CACNG3: variants seen among roughly 807,000 people sequenced by gnomAD.
CACNG3 encodes the protein voltage-dependent calcium channel gamma-3 subunit.
Under a neutral mutation model 28.5 loss-of-function variants are expected in CACNG3, and 3 were observed. The ratio of observed to expected loss-of-function variants is 0.11; its 90% CI spans 0.05 to 0.27. The LOEUF is 0.27. Ranked by LOEUF, CACNG3 falls within the 10% of genes least tolerant of loss-of-function variation. The probability of loss-of-function intolerance (pLI) is 1.00; values close to 1 mark genes in which losing one functional copy is unlikely to be tolerated. For missense variants in CACNG3, 236 were observed against 414.4 expected (o/e 0.57, Z 3.74); for synonymous variants, 174 against 162.2 (o/e 1.07, Z -0.55).
chr16:24,323,933 A>C (rs984959992), intron 1 of CACNG3, among the ~76,000 whole-genome samples: 1 of 152,048 alleles, frequency 6.6e-6, no homozygotes, highest in East Asian at 1.9e-4. Context: ...ACACCAGGCT[A>C]ATTTGTTTAT....
chr16:24,269,787 AAAAG>A (rs527400868), intron 1 of CACNG3, among the ~76,000 whole-genome samples: 228 of 149,196 alleles, frequency 1.5e-3, no homozygotes, highest in African/African-American at 2.8e-3. Context: ...GAAAGAAAGA[AAAAG>A]AAAGAAAGAA....
intron 1 of CACNG3, among the ~76,000 whole-genome samples, chr16:24,307,681 C>T (rs534184141): frequency 6.6e-6 from 1 of 152,310 alleles, no homozygotes; most frequent in Admixed American, 6.5e-5. Context: ...TCTACCACAG[C>T]TCTCTCCATC....
intron 1 of CACNG3, among the ~76,000 whole-genome samples, chr16:24,343,536 T>C (rs987807840): frequency 1.3e-5 from 2 of 152,098 alleles, no homozygotes; most frequent in African/African-American, 4.8e-5. Context: ...TGGGGAAGCA[T>C]AGTTAATGGA....
chr16:24,308,839 C>CAAAAAAAAAAAAAAAAAAAAAAAAAAAAA (rs71154298), intron 1 of CACNG3, among the ~76,000 whole-genome samples: 1 of 27,270 alleles, frequency 3.7e-5, no homozygotes, highest in Non-Finnish European at 7.5e-5. Flanking sequence ...GAACCTACCT[C>CAAAAAAAAAAAAAAAAAAAAAAAAAAAAA]AAAAAAAAAA....
intron 1 of CACNG3, among the ~76,000 whole-genome samples, chr16:24,268,049 T>C (rs1898638464): frequency 6.6e-6 from 1 of 152,142 alleles, no homozygotes; most frequent in African/African-American, 2.4e-5. Context: ...GTTCTAAGGA[T>C]GCACTTTACA....
intron 1 of CACNG3, among the ~76,000 whole-genome samples, chr16:24,324,069 CA>C (rs1281975138): frequency 3.9e-5 from 6 of 152,180 alleles, no homozygotes; most frequent in Non-Finnish European, 4.4e-5. Context: ...ACAATGTACC[CA>C]GCCACTAGAT....
At chr16:24,308,293 C>T (rs1251444907) in intron 1 of CACNG3, among the ~76,000 whole-genome samples, 1 of 152,160 alleles carries the variant, frequency 6.6e-6, no homozygotes, top group Admixed American at 6.5e-5. Flanking sequence ...GGCAGAAGCA[C>T]CCTGTCTAGT....
chr16:24,297,225 G>A (rs997041999), intron 1 of CACNG3, among the ~76,000 whole-genome samples: 2 of 146,606 alleles, frequency 1.4e-5, no homozygotes, highest in African/African-American at 2.7e-5. Flanking sequence ...TCTAGCCTGA[G>A]CAGCAGAGCA....
chr16:24,343,426 G>A (rs577035920), intron 1 of CACNG3, among the ~76,000 whole-genome samples: 23 of 152,048 alleles, frequency 1.5e-4, no homozygotes, highest in South Asian at 6.2e-4. Context: ...GAAATCTTTC[G>A]TGGAAAACAG....
intron 3 of CACNG3, among the ~76,000 whole-genome samples, chr16:24,357,495 A>G (rs1359296621): frequency 6.6e-6 from 1 of 152,176 alleles, no homozygotes; most frequent in African/African-American, 2.4e-5. Flanking sequence ...GGAGCCCCAC[A>G]AGATCTTGCT....
chr16:24,345,457 T>G (rs372736063), intron 1 of CACNG3, among the ~76,000 whole-genome samples: 1 of 152,122 alleles, frequency 6.6e-6, no homozygotes, highest in South Asian at 2.1e-4. Context: ...TCCCAGCACA[T>G]TGGGAGGCCG....
chr16:24,265,377 AG>A (rs1898589593), intron 1 of CACNG3, among the ~76,000 whole-genome samples: 2 of 151,374 alleles, frequency 1.3e-5, no homozygotes, highest in African/African-American at 4.8e-5. Flanking sequence ...GAAAAAAGAA[AG>A]AAAGAAAAGA....
intron 1 of CACNG3, among the ~76,000 whole-genome samples, chr16:24,269,134 T>C (rs1352133530): frequency 6.6e-6 from 1 of 152,168 alleles, no homozygotes; most frequent in Admixed American, 6.5e-5. Context: ...TCTATCCACC[T>C]TTTAGCCTGC....
intron 1 of CACNG3, among the ~76,000 whole-genome samples, chr16:24,299,757 T>C (rs1222409299): frequency 3.9e-5 from 6 of 152,218 alleles, no homozygotes. Flanking sequence ...CGTGGTTCAT[T>C]CTAGCTTTCT....
intron 1 of CACNG3, among the ~76,000 whole-genome samples, chr16:24,289,632 G>C (rs934225097): frequency 6.6e-6 from 1 of 152,146 alleles, no homozygotes; most frequent in Non-Finnish European, 1.5e-5. Flanking sequence ...TCCCTACAGG[G>C]TTCACTCTGA....
intron 1 of CACNG3, among the ~76,000 whole-genome samples, chr16:24,259,398 C>A (rs1367774134): frequency 6.6e-6 from 1 of 152,196 alleles, no homozygotes; most frequent in Admixed American, 6.5e-5. Context: ...CCATCCCAGG[C>A]ATTTCCATCC....
chr16:24,269,603 C>T (rs1898657449), intron 1 of CACNG3, among the ~76,000 whole-genome samples: 1 of 151,546 alleles, frequency 6.6e-6, no homozygotes, highest in South Asian at 2.1e-4. Flanking sequence ...AAAAATTAGC[C>T]CAGTGTGGTG....
chr16:24,286,212 T>C (rs1356044057), intron 1 of CACNG3, among the ~76,000 whole-genome samples: 1 of 152,192 alleles, frequency 6.6e-6, no homozygotes, highest in Admixed American at 6.5e-5. Flanking sequence ...TTGTCATTCT[T>C]GTCACATGTT....
At chr16:24,355,960 C>G (rs576915652) in intron 3 of CACNG3, among the ~76,000 whole-genome samples, 1 of 152,288 alleles carries the variant, frequency 6.6e-6, no homozygotes, top group South Asian at 2.1e-4. Flanking sequence ...TGCTGAGAGA[C>G]AACTTTCAGA....
Sources: gnomAD v4.1 joint callset for allele counts (sites outside exome capture counted in the v4.1 genomes callset) on GRCh38, gnomAD v4.1.1 for gene constraint, MANE v1.5 for transcripts, NCBI Gene and HGNC (gene_info 2026-07-23, HGNC 2026-07-21) for gene names.